The following NOL4L variants were observed in gnomAD, a reference collection of about 807,000 sequenced individuals.
NOL4L encodes the protein nucleolar protein 4 like.
NOL4L carries 7 observed loss-of-function variants against 64.5 expected under a neutral mutation model. That is an observed-to-expected ratio of 0.11 (90% CI 0.06 to 0.20). The LOEUF (loss-of-function observed/expected upper bound fraction) is 0.20, where lower values mean the gene tolerates loss of function less well. Among genes scored for constraint, NOL4L ranks in the 10% least tolerant of loss-of-function variants. The pLI, the probability that NOL4L is intolerant of heterozygous loss-of-function variation, is 1.00. For synonymous variants in NOL4L, 413 were observed against 401.0 expected (o/e 1.03, Z -0.36); for missense variants, 680 against 967.1 (o/e 0.70, Z 3.94).
chr20:32,481,760 A>AC (rs2015726793), intron 4 of NOL4L, among the ~76,000 whole-genome samples: 2 of 152,066 alleles, frequency 1.3e-5, no homozygotes, highest in Non-Finnish European at 1.5e-5. Context: ...GTAATTTACT[A>AC]CCCGGGGGGC....
intron 4 of NOL4L, among the ~76,000 whole-genome samples, chr20:32,499,067 C>T (rs2016812833): frequency 1.3e-5 from 2 of 152,018 alleles, no homozygotes; most frequent in African/African-American, 2.4e-5. Context: ...TTAGTAGAGA[C>T]GGGGCTTCAC....
intron 1 of NOL4L, among the ~76,000 whole-genome samples, chr20:32,555,098 T>C (rs1226818125): frequency 6.6e-6 from 1 of 152,132 alleles, no homozygotes. Flanking sequence ...ATCTGCACCA[T>C]GTGCCCCCTC....
intron 1 of NOL4L, among the ~76,000 whole-genome samples, chr20:32,579,379 C>T (rs1257705241): frequency 6.6e-6 from 1 of 152,246 alleles, no homozygotes; most frequent in Non-Finnish European, 1.5e-5. Context: ...TGAGCACACA[C>T]ATGTTCAGGA....
Position 32,445,292 on chromosome 20 carries a change from C to T in NOL4L, c.*2304G>A, listed in dbSNP as rs2012280697. The T allele has an allele frequency of 6.6e-6, 1 of 152,212 alleles. No individual in the cohort carries two copies. The highest frequency in any genetic ancestry group is 3.2e-3 in the Middle Eastern group (1 of 316). 9.4% of individuals were successfully genotyped at this position (152,212 alleles called of 1,614,324 possible). On this transcript the variant is annotated 3_prime_UTR_variant, in exon 11 of 11. Coordinates refer to ENST00000621426, the MANE Select transcript of NOL4L (RefSeq NM_001256798.2). ...GCTTATGCTGATCTTTAGATCTAAT[C>T]CTTGTGTGGGTAGGGGGAGGGAGCC...
chr20:32,465,060 G>T (rs770685846), intron 5 of NOL4L: 1 of 619,660 alleles, frequency 1.6e-6, no homozygotes, highest in Middle Eastern at 2.5e-4. Context: ...CCGTAGAGAG[G>T]TGTCCAAGCT....
At chr20:32,490,144 A>AAAAAAAAAAAAAAAAAAAAC (rs543768294) in intron 4 of NOL4L, among the ~76,000 whole-genome samples, 1 of 122,208 alleles carries the variant, frequency 8.2e-6, no homozygotes, top group Non-Finnish European at 1.6e-5. Context: ...AAAAAAAAAA[A>AAAAAAAAAAAAAAAAAAAAC]ATATATATAC....
chr20:32,510,042 AG>A (rs2017325587), intron 4 of NOL4L: 1 of 942,316 alleles, frequency 1.1e-6, no homozygotes, highest in Non-Finnish European at 1.5e-6. Flanking sequence ...CAACAACAAA[AG>A]CAACACCCTC....
chr20:32,446,219 G>GGAA lies in NOL4L; in HGVS notation c.*1374_*1376dup, dbSNP rs1472583118. The GGAA allele has an allele frequency of 7.0e-6, 1 of 143,616 alleles. No individual in the cohort carries two copies. Among genetic ancestry groups the GGAA allele is most frequent in the Non-Finnish European group, 1.5e-5 (1 of 64,522 alleles). 8.9% of individuals were successfully genotyped at this position (143,616 alleles called of 1,614,324 possible). A position where few individuals can be genotyped will look rare whatever the true frequency, so the allele number is the denominator to read the frequency against. On this transcript the variant is annotated 3_prime_UTR_variant, in exon 11 of 11. Coordinates refer to ENST00000621426, the MANE Select transcript of NOL4L (RefSeq NM_001256798.2). ...CTGGTAGGTATTGCACTGAGCAAGA[G>GGAA]GAAGTGCCTATCAATCAATCAATCA...
chr20:32,447,193 C>T lies in NOL4L; in HGVS notation c.*403G>A. On this transcript the variant is annotated 3_prime_UTR_variant, in exon 11 of 11. Coordinates refer to ENST00000621426, the MANE Select transcript of NOL4L (RefSeq NM_001256798.2). Reference sequence around the variant, plus strand: ...TACTAAGGGGAGAGGAAGAAAGGGTCCACTTTGCTTTTCTCAATAAATATG... The same window carrying T: ...TACTAAGGGGAGAGGAAGAAAGGGTTCACTTTGCTTTTCTCAATAAATATG... 1 of 468,168 alleles carries T rather than the reference C, an allele frequency of 2.1e-6. No individual in the cohort carries two copies. Among genetic ancestry groups the T allele is most frequent in the Non-Finnish European group, 4.2e-6 (1 of 236,014 alleles). 29.0% of individuals were successfully genotyped at this position (468,168 alleles called of 1,614,324 possible). A position where few individuals can be genotyped will look rare whatever the true frequency, so the allele number is the denominator to read the frequency against.
rs1479978811 is a variant in NOL4L, at chr20:32,453,533, C to G, written c.1306-38G>C. The G allele has an allele frequency of 8.1e-6, 13 of 1,613,588 alleles. No homozygotes were observed. Among genetic ancestry groups the G allele is most frequent in the Non-Finnish European group, 1.1e-5 (13 of 1,179,474 alleles). ...GGGCCATGGGAAGGGCTGGCCCTGG[C>G]CTTGCCCCCATCCCACCCCACCTGT... On this transcript the variant is annotated intron_variant, in intron 7 of 10. Transcript: ENST00000621426. This position sits in a 1 kb window ranked among gnomAD's most constrained non-coding sequence, Gnocchi z 5.6.
Position 32,464,960 on chromosome 20 carries a change from G to A in NOL4L, c.842-8565C>T, listed in dbSNP as rs377594956. The A allele has an allele frequency of 5.1e-5, 28 of 550,526 alleles. No homozygotes were observed. The highest frequency in any genetic ancestry group is 8.0e-5 in the African/African-American group (4 of 50,076). 34.1% of individuals were successfully genotyped at this position (550,526 alleles called of 1,614,324 possible). A position where few individuals can be genotyped will look rare whatever the true frequency, so the allele number is the denominator to read the frequency against. On this transcript the variant is annotated intron_variant, in intron 5 of 10. Transcript: ENST00000621426. The surrounding 1 kb of genome is among the most constrained non-coding windows in gnomAD (Gnocchi z 5.6). ...TAGCCTTTTCCAAGGCTCAGTAGCCGTCCTTGGCTAATGAATTAGACGTCA... is the reference window on the plus strand; with the variant it reads ...TAGCCTTTTCCAAGGCTCAGTAGCCATCCTTGGCTAATGAATTAGACGTCA...
chr20:32,450,820 G>A lies in NOL4L; in HGVS notation c.1822+1416C>T, dbSNP rs370726978. Among the ~76,000 whole-genome samples, 1,108 of 152,264 alleles carry A rather than the reference G, an allele frequency of 7.3e-3. 4 individuals are homozygous for A. The highest frequency in any genetic ancestry group is 0.017 in the South Asian group (80 of 4,824). On this transcript the variant is annotated intron_variant, in intron 10 of 10. Transcript: ENST00000621426. Reference sequence around the variant, plus strand: ...TTTCTTCCTGGAATGAAAGGAGCCCGCCTAGGACAGCCACTCCACCTCTCA... The same window carrying A: ...TTTCTTCCTGGAATGAAAGGAGCCCACCTAGGACAGCCACTCCACCTCTCA...
At chr20:32,447,900 C>T (rs527497446) in intron 10 of NOL4L, 84 bp from the exon 11 acceptor site, 4 of 1,481,420 alleles carry the variant, frequency 2.7e-6, no homozygotes, top group Admixed American at 4.8e-5. Context: ...ACTGTCATAA[C>T]CTATGGCCTA....
intron 1 of NOL4L, among the ~76,000 whole-genome samples, chr20:32,550,065 A>C (rs569954774): frequency 6.6e-6 from 1 of 152,374 alleles, no homozygotes; most frequent in East Asian, 1.9e-4. Context: ...ATTCAATGGA[A>C]TATTATCAGC....
intron 3 of NOL4L, among the ~76,000 whole-genome samples, chr20:32,513,925 G>GA (rs930760481): frequency 3.3e-5 from 5 of 152,072 alleles, no homozygotes; most frequent in African/African-American, 9.7e-5. Flanking sequence ...ATTTAAAAAG[G>GA]AAAAAAAGTC....
At chr20:32,563,677 C>A (rs1206923143) in intron 1 of NOL4L, among the ~76,000 whole-genome samples, 3 of 152,096 alleles carry the variant, frequency 2.0e-5, no homozygotes, top group Non-Finnish European at 4.4e-5. Context: ...AGGCACTGGG[C>A]TCCAAAACCC....
chr20:32,485,119 C>T (rs1453070777), intron 4 of NOL4L, among the ~76,000 whole-genome samples: 1 of 123,498 alleles, frequency 8.1e-6, no homozygotes, highest in Non-Finnish European at 1.8e-5. Flanking sequence ...AAGGATCCCA[C>T]CTCCTGATTC....
In NOL4L at chr20:32,452,451, A is replaced by AG. The variant is rs759407418; in HGVS notation, c.1621-15dup. 2.7e-5 allele frequency: 42 copies of AG among 1,554,368 alleles called. No individual in the cohort carries two copies. In the East Asian group the frequency reaches 8.3e-4, roughly 31 times the overall value. ...TATGGGCTCATCCTGCAGAGGGGAG[A>AG]GGGGGGCGCTGGGGAAACCAAGGGG... On this transcript the variant is annotated splice_polypyrimidine_tract_variant and intron_variant, in intron 9 of 10. Coordinates refer to ENST00000621426, the MANE Select transcript of NOL4L (RefSeq NM_001256798.2).
At chr20:32,470,297 C>T (rs1286600804) in intron 5 of NOL4L, among the ~76,000 whole-genome samples, 1 of 152,244 alleles carries the variant, frequency 6.6e-6, no homozygotes, top group Non-Finnish European at 1.5e-5. Flanking sequence ...GGAGTGGCCC[C>T]GCCTGCCGGG....
Sources: gnomAD v4.1 joint callset for allele counts (sites outside exome capture counted in the v4.1 genomes callset) on GRCh38, gnomAD v4.1.1 for gene constraint, Gnocchi (gnomAD v3.1) non-coding constraint, MANE v1.5 for transcripts, NCBI Gene and HGNC (gene_info 2026-07-23, HGNC 2026-07-21) for gene names.